Variants in ARB2A observed in about 807,000 individuals in gnomAD.
ARB2A encodes cotranscriptional regulator ARB2A.
At chr5:93,832,105 A>T in the ARB2A span, among the ~76,000 whole-genome samples, 1 of 152,188 alleles carries the variant, frequency 6.6e-6, no homozygotes, top group East Asian at 1.9e-4. Flanking sequence ...CCTTGCTAGC[A>T]GGGCAGCACC....
chr5:94,012,544 T>G, the ARB2A span, among the ~76,000 whole-genome samples: 1 of 152,188 alleles, frequency 6.6e-6, no homozygotes, highest in African/African-American at 2.4e-5. Context: ...ATGAGACAAC[T>G]GGAACAGAGC....
the ARB2A span, among the ~76,000 whole-genome samples, chr5:93,835,028 T>G: frequency 6.6e-6 from 1 of 152,194 alleles, no homozygotes; most frequent in East Asian, 1.9e-4. Flanking sequence ...ACAAAGTGCA[T>G]GAAAAGAACT....
the ARB2A span, among the ~76,000 whole-genome samples, chr5:93,940,107 A>T: frequency 3.3e-5 from 5 of 152,234 alleles, no homozygotes; most frequent in South Asian, 6.2e-4. Context: ...AATATAAATT[A>T]TACACACAAA....
chr5:93,746,330 C>T, the ARB2A span, among the ~76,000 whole-genome samples: 2 of 152,148 alleles, frequency 1.3e-5, no homozygotes, highest in Admixed American at 6.5e-5. Flanking sequence ...GATAATAGCA[C>T]TATTTTTTAT....
the ARB2A span, among the ~76,000 whole-genome samples, chr5:93,630,013 C>T: frequency 2.0e-5 from 3 of 152,008 alleles, no homozygotes; most frequent in Admixed American, 1.3e-4. Context: ...AATGAACTTA[C>T]GAGCTTACCA....
the ARB2A span, among the ~76,000 whole-genome samples, chr5:93,756,969 C>CA: frequency 2.0e-5 from 3 of 151,844 alleles, no homozygotes; most frequent in Admixed American, 6.6e-5. Flanking sequence ...CAAGCAAATC[C>CA]AAAAAATGAT....
the ARB2A span, among the ~76,000 whole-genome samples, chr5:93,830,066 T>C: frequency 6.6e-6 from 1 of 151,866 alleles, no homozygotes; most frequent in Non-Finnish European, 1.5e-5. Context: ...TATCAGTAAT[T>C]GTAGTGGAAA....
chr5:94,037,080 T>A, the ARB2A span, among the ~76,000 whole-genome samples: 1 of 152,288 alleles, frequency 6.6e-6, no homozygotes, highest in East Asian at 1.9e-4. Flanking sequence ...TATTTCCATG[T>A]GTAGTTGGGC....
At chr5:93,620,599 G>C in the ARB2A span, 1 of 171,358 alleles carries the variant, frequency 5.8e-6, no homozygotes, top group South Asian at 2.0e-4. Context: ...CATGATTAAG[G>C]AGGGGGAAGC....
the ARB2A span, chr5:93,736,643 C>G: frequency 2.6e-5 from 4 of 152,054 alleles, no homozygotes; most frequent in East Asian, 7.7e-4. Flanking sequence ...GATGGTAGTA[C>G]TGGGGAAGGA....
At chr5:93,844,128 A>C in the ARB2A span, among the ~76,000 whole-genome samples, 6 of 151,960 alleles carry the variant, frequency 3.9e-5, no homozygotes, top group East Asian at 7.7e-4. Flanking sequence ...AACAAAAAAA[A>C]AAACAAAAAA....
At chr5:93,919,665 T>C in the ARB2A span, among the ~76,000 whole-genome samples, 4 of 152,286 alleles carry the variant, frequency 2.6e-5, no homozygotes, top group South Asian at 6.2e-4. Context: ...CTTTTTGAAT[T>C]TACCCAGCTC....
the ARB2A span, among the ~76,000 whole-genome samples, chr5:94,030,598 A>T: frequency 6.6e-6 from 1 of 152,204 alleles, no homozygotes; most frequent in African/African-American, 2.4e-5. Flanking sequence ...TCTGCTTTTA[A>T]TAGCTTAAGT....
the ARB2A span, among the ~76,000 whole-genome samples, chr5:93,697,261 C>T: frequency 6.6e-6 from 1 of 151,756 alleles, no homozygotes; most frequent in East Asian, 1.9e-4. Context: ...TTTCTCTTCC[C>T]TTTGGGTTTT....
At chr5:93,625,385 T>C in the ARB2A span, among the ~76,000 whole-genome samples, 3 of 152,142 alleles carry the variant, frequency 2.0e-5, no homozygotes, top group African/African-American at 7.2e-5. Flanking sequence ...AATAATTATT[T>C]CTTACTATAT....
the ARB2A span, among the ~76,000 whole-genome samples, chr5:93,916,858 G>A: frequency 3.9e-5 from 6 of 152,158 alleles, no homozygotes; most frequent in African/African-American, 1.4e-4. Context: ...GGTCTTCCAA[G>A]ATAGATACAG....
At chr5:94,103,454 A>G in the ARB2A span, among the ~76,000 whole-genome samples, 16 of 152,160 alleles carry the variant, frequency 1.1e-4, no homozygotes, top group Non-Finnish European at 2.1e-4. Context: ...GTTCAATTCA[A>G]CATGAAAACT....
chr5:93,699,891 G>A, the ARB2A span, among the ~76,000 whole-genome samples: 1 of 151,612 alleles, frequency 6.6e-6, no homozygotes, highest in Admixed American at 6.6e-5. Flanking sequence ...TGTAGGAGTG[G>A]GCTACGGAGC....
the ARB2A span, among the ~76,000 whole-genome samples, chr5:93,711,120 T>C: frequency 6.6e-6 from 1 of 152,088 alleles, no homozygotes; most frequent in Non-Finnish European, 1.5e-5. Context: ...TTTTAGGATC[T>C]GACCTTTGGG....
Sources: allele counts gnomAD v4.1 joint callset (sites outside exome capture counted in the v4.1 genomes callset), GRCh38; gene constraint gnomAD v4.1.1; transcripts MANE v1.5; gene names NCBI Gene and HGNC (gene_info 2026-07-23, HGNC 2026-07-21).